MEF2C: variants seen among roughly 807,000 people sequenced by gnomAD.
MEF2C encodes myocyte enhancer factor 2C, also known as myocyte-specific enhancer factor 2C.
Under a neutral mutation model 50.5 loss-of-function variants are expected in MEF2C, and 6 were observed. That is an observed-to-expected ratio of 0.12 (90% CI 0.07 to 0.23). The LOEUF (loss-of-function observed/expected upper bound fraction) is 0.23. Among genes scored for constraint, MEF2C ranks in the 10% least tolerant of loss-of-function variants. The pLI is 1.00. For missense variants in MEF2C, 276 were observed against 605.0 expected (o/e 0.46, Z 5.70); for synonymous variants, 183 against 228.0 (o/e 0.80, Z 1.78).
chr5:88,780,794 C>T (rs942627771), intron 3 of MEF2C: 11 of 985,370 alleles, frequency 1.1e-5, no homozygotes, highest in Non-Finnish European at 1.3e-5. Context: ...TTGTGTTATC[C>T]TTGCTAATTA....
intron 4 of MEF2C, among the ~76,000 whole-genome samples, chr5:88,756,431 T>C (rs544409709): frequency 1.3e-5 from 2 of 152,344 alleles, no homozygotes; most frequent in South Asian, 4.1e-4. Context: ...GTTTCTGAGT[T>C]AAAGGAACTA....
intron 4 of MEF2C, among the ~76,000 whole-genome samples, chr5:88,757,933 A>G (rs1776117031): frequency 6.6e-6 from 1 of 151,974 alleles, no homozygotes; most frequent in Admixed American, 6.6e-5. Context: ...AAAAAATAAA[A>G]ATAAAATAAA....
At chr5:88,798,928 G>C (rs1033097360) in intron 3 of MEF2C, among the ~76,000 whole-genome samples, 5 of 152,170 alleles carry the variant, frequency 3.3e-5, no homozygotes, top group African/African-American at 1.2e-4. Flanking sequence ...GGAGTTTGCT[G>C]GAGGTCTACT....
In MEF2C at chr5:88,843,348, C is replaced by T. The variant is rs1323100789; in HGVS notation, c.-142-19418G>A. The T allele has an allele frequency of 1.3e-5, 13 of 982,788 alleles. No individual in the cohort carries two copies. The South Asian group carries it at 1.4e-4, about 11-fold the overall frequency. 60.9% of individuals were successfully genotyped at this position (982,788 alleles called of 1,614,324 possible). ...GTTTGTGTGTTATTTAAATTTGGTT[C>T]CCCCCAAAAAAAACCCTCAAAGGTG... On this transcript the variant is annotated intron_variant, in intron 1 of 10. Transcript: ENST00000504921.
intron 1 of MEF2C, among the ~76,000 whole-genome samples, chr5:88,897,325 C>A (rs1213036232): frequency 6.6e-6 from 1 of 152,218 alleles, no homozygotes; most frequent in East Asian, 1.9e-4. Flanking sequence ...AGATTCTAGT[C>A]TGTGTAGCCT....
chr5:88,865,990 G>T (rs1285875050), intron 1 of MEF2C, among the ~76,000 whole-genome samples: 3 of 151,950 alleles, frequency 2.0e-5, no homozygotes, highest in Non-Finnish European at 2.9e-5. Context: ...CCGCCTCCTG[G>T]GTTCACGCCA....
At chr5:88,886,601 A>C (rs1322747806), upstream of MEF2C, among the ~76,000 whole-genome samples, 1 of 152,226 alleles carries the variant, frequency 6.6e-6, no homozygotes, top group Non-Finnish European at 1.5e-5. Context: ...TATCCAGTTA[A>C]ATAATAGGTG....
At chr5:88,804,525 G>C (rs1799571146) in intron 3 of MEF2C, 73 bp downstream of exon 3, 2 of 1,289,774 alleles carry the variant, frequency 1.6e-6, no homozygotes, top group African/African-American at 1.5e-5. Flanking sequence ...ATGTGTGTAT[G>C]TGTGTGTGGC....
At position 88,839,751 on chromosome 5, in the gene MEF2C, A is replaced by G. The variant is rs547756854; in HGVS notation, c.-142-15821T>C. On this transcript the variant is annotated intron_variant, in intron 1 of 10. Coordinates refer to ENST00000504921, the MANE Select transcript of MEF2C (RefSeq NM_002397.5). The stretch of plus-strand genomic sequence containing the variant: ...TGAGGATTCTAACTTTCAAAATTAT[A>G]TAAGAGTATTTGTCTTTTGTATCGT... The G allele has an allele frequency of 5.3e-5, 8 of 152,340 alleles. No individual in the cohort carries two copies. The South Asian group carries it at 8.3e-4, about 16-fold the overall frequency. 9.4% of individuals were successfully genotyped at this position (152,340 alleles called of 1,614,324 possible). A position where few individuals can be genotyped will look rare whatever the true frequency, so the allele number is the denominator to read the frequency against.
chr5:88,773,383 C>A (rs1783285718), intron 3 of MEF2C, among the ~76,000 whole-genome samples: 1 of 152,182 alleles, frequency 6.6e-6, no homozygotes, highest in Admixed American at 6.5e-5. Context: ...CACCATCCCC[C>A]ATCCTCGTAC....
chr5:88,891,305 C>A (rs1222886067), intron 1 of MEF2C, among the ~76,000 whole-genome samples: 1 of 150,164 alleles, frequency 6.7e-6, no homozygotes, highest in Non-Finnish European at 1.5e-5. Flanking sequence ...AAAGCATAAT[C>A]TTTCTCAAAT....
intron 1 of MEF2C, among the ~76,000 whole-genome samples, chr5:88,867,348 T>G (rs764723215): frequency 1.2e-4 from 19 of 152,178 alleles, no homozygotes; most frequent in African/African-American, 4.3e-4. Flanking sequence ...TTTGGCTTAA[T>G]AAGAAGAGAG....
chr5:88,869,954 A>G (rs995289484), intron 1 of MEF2C, among the ~76,000 whole-genome samples: 15 of 151,514 alleles, frequency 9.9e-5, no homozygotes, highest in Admixed American at 5.9e-4. Context: ...GGAAATCAGT[A>G]CTATATATCA....
chr5:88,803,053 G>C (rs1412415295), intron 3 of MEF2C, among the ~76,000 whole-genome samples: 1 of 152,118 alleles, frequency 6.6e-6, no homozygotes, highest in African/African-American at 2.4e-5. Context: ...TTTTACATAA[G>C]TATTAGTGCA....
chr5:88,770,243 T>A (rs926918857), intron 3 of MEF2C, among the ~76,000 whole-genome samples: 4 of 152,242 alleles, frequency 2.6e-5, no homozygotes, highest in Non-Finnish European at 4.4e-5. Flanking sequence ...ACAAAAAGGC[T>A]GTATCTTGAG....
At chr5:88,783,404 G>A (rs962596564) in intron 3 of MEF2C, among the ~76,000 whole-genome samples, 24 of 152,074 alleles carry the variant, frequency 1.6e-4, no homozygotes, top group African/African-American at 4.8e-4. Flanking sequence ...CGAGGCTGGC[G>A]GATCACCTGA....
chr5:88,734,081 A>T (rs1269227892), intron 6 of MEF2C: 1 of 985,186 alleles, frequency 1.0e-6, no homozygotes, highest in East Asian at 1.1e-4. Context: ...AAGCTTGACA[A>T]AATGGAGTGC....
chr5:88,801,697 C>T (rs918782082), intron 3 of MEF2C, among the ~76,000 whole-genome samples: 1 of 151,832 alleles, frequency 6.6e-6, no homozygotes, highest in Non-Finnish European at 1.5e-5. Flanking sequence ...CATGTTAGCC[C>T]CGATGATCTT....
chr5:88,863,949 G>A (rs1228293572), intron 1 of MEF2C, among the ~76,000 whole-genome samples: 1 of 151,746 alleles, frequency 6.6e-6, no homozygotes, highest in African/African-American at 2.4e-5. Context: ...AGCCTCCTGA[G>A]TGGCAGGGAT....
Sources: allele counts gnomAD v4.1 joint callset (sites outside exome capture counted in the v4.1 genomes callset), GRCh38; gene constraint gnomAD v4.1.1; transcripts MANE v1.5; gene names NCBI Gene and HGNC (gene_info 2026-07-23, HGNC 2026-07-21).